Variants in TAFA5 observed in about 807,000 individuals in gnomAD.
The protein encoded by TAFA5 is TAFA chemokine like family member 5.
A neutral mutation model predicts 15.3 loss-of-function variants in TAFA5; 6 were observed. That is an observed-to-expected ratio of 0.39 (90% CI 0.21 to 0.77). The LOEUF is 0.77. TAFA5 is among the 30% of genes least tolerant of loss of function. TAFA5 has a pLI of 0.41. For synonymous variants in TAFA5, 103 were observed against 80.7 expected (o/e 1.28, Z -1.48); for missense variants, 161 against 193.1 (o/e 0.83, Z 0.98).
intron 1 of TAFA5, among the ~76,000 whole-genome samples, chr22:48,630,762 G>C (rs1926194135): frequency 6.6e-6 from 1 of 151,880 alleles, no homozygotes; most frequent in South Asian, 2.1e-4. Context: ...TGAGCCCCAG[G>C]CTCCAGGCGC....
chr22:48,516,834 G>A (rs1407479829), intron 1 of TAFA5, among the ~76,000 whole-genome samples: 1 of 152,216 alleles, frequency 6.6e-6, no homozygotes, highest in Non-Finnish European at 1.5e-5. Flanking sequence ...CCTCACAGTT[G>A]TGCCAGGCAG....
rs910644772 is a variant in TAFA5 at position 48,490,460 on chromosome 22, G to T, written c.112+756G>T. Among the ~76,000 whole-genome samples the T allele has an allele frequency of 5.9e-5, 9 of 151,884 alleles. No individual in the cohort carries two copies. The highest frequency in any genetic ancestry group is 1.4e-4 in the African/African-American group (6 of 41,390). ...CTCCCTGTTGCCTGGAGTGAAGGGT[G>T]GGGGGTGGCCTGTGCCCCTGCCGAG... On this transcript the variant is annotated intron_variant, in intron 1 of 3. Coordinates refer to ENST00000402357, the MANE Select transcript of TAFA5 (RefSeq NM_001082967.3). The surrounding 1 kb of genome is among the most constrained non-coding windows in gnomAD (Gnocchi z 5.8).
At chr22:48,623,559 G>A (rs888428038) in intron 1 of TAFA5, among the ~76,000 whole-genome samples, 2 of 152,204 alleles carry the variant, frequency 1.3e-5, no homozygotes, top group Non-Finnish European at 2.9e-5. Context: ...AGTTGGTGGA[G>A]GAAGGGGGCG....
At chr22:48,721,767 G>A (rs999029838) in intron 3 of TAFA5, among the ~76,000 whole-genome samples, 4 of 152,096 alleles carry the variant, frequency 2.6e-5, no homozygotes, top group East Asian at 1.9e-4. Context: ...TCAGGGGTTC[G>A]AAACCAGCCC....
intron 1 of TAFA5, among the ~76,000 whole-genome samples, chr22:48,495,604 A>C (rs1601832886): frequency 6.6e-6 from 1 of 151,970 alleles, no homozygotes; most frequent in South Asian, 2.1e-4. Context: ...CTGGCCCTGC[A>C]CCCAGCCGGC....
chr22:48,726,158 G>C (rs535740331), intron 3 of TAFA5, among the ~76,000 whole-genome samples: 8 of 152,202 alleles, frequency 5.3e-5, no homozygotes, highest in African/African-American at 1.7e-4. Flanking sequence ...TTGAAACATC[G>C]TTTTACTTAT....
At chr22:48,671,862 G>A (rs930181395) in intron 2 of TAFA5, among the ~76,000 whole-genome samples, 1 of 152,166 alleles carries the variant, frequency 6.6e-6, no homozygotes, top group Non-Finnish European at 1.5e-5. Context: ...GAGAGAAGGT[G>A]CATGTTTCCG....
intron 1 of TAFA5, among the ~76,000 whole-genome samples, chr22:48,540,020 G>A (rs1222830873): frequency 6.6e-6 from 1 of 152,146 alleles, no homozygotes; most frequent in Admixed American, 6.5e-5. Flanking sequence ...GGGGTTGGGA[G>A]TGGAACTGGG....
intron 1 of TAFA5, among the ~76,000 whole-genome samples, chr22:48,542,444 GGTGT>G (rs1922453220): frequency 7.9e-6 from 1 of 126,928 alleles, no homozygotes; most frequent in African/African-American, 3.0e-5. Context: ...GTGTGTGTGT[GGTGT>G]ATGTGCGGGT....
chr22:48,618,331 C>T (rs532126863), intron 1 of TAFA5, among the ~76,000 whole-genome samples: 80 of 152,322 alleles, frequency 5.3e-4, no homozygotes, highest in African/African-American at 1.9e-3. Context: ...TGTGCACTGA[C>T]GCTCGCCTCT....
intron 1 of TAFA5, among the ~76,000 whole-genome samples, chr22:48,519,740 C>T (rs1921538761): frequency 6.6e-6 from 1 of 152,158 alleles, no homozygotes; most frequent in Non-Finnish European, 1.5e-5. Flanking sequence ...CAGCTGAGCC[C>T]TTGGGAGTCT....
intron 2 of TAFA5, among the ~76,000 whole-genome samples, chr22:48,681,243 G>A (rs903914174): frequency 1.1e-4 from 17 of 152,142 alleles, no homozygotes; most frequent in African/African-American, 3.1e-4. Flanking sequence ...GCCTGGAACC[G>A]AGTTTCCCCC....
At chr22:48,668,971 G>A (rs760569197) in intron 2 of TAFA5, among the ~76,000 whole-genome samples, 60 of 152,340 alleles carry the variant, frequency 3.9e-4, no homozygotes, top group Non-Finnish European at 1.0e-4. Context: ...TTCATGTGTT[G>A]AAATCCTCAC....
chr22:48,503,428 C>A (rs1254984811), intron 1 of TAFA5, among the ~76,000 whole-genome samples: 2 of 152,180 alleles, frequency 1.3e-5, no homozygotes, highest in Admixed American at 1.3e-4. Flanking sequence ...GATGTGGACT[C>A]GTGAACTTGG....
At chr22:48,633,518 CTGTCTG>C (rs760293220) in intron 1 of TAFA5, among the ~76,000 whole-genome samples, 12,739 of 94,270 alleles carry the variant, frequency 0.14, 723 homozygotes, top group South Asian at 0.18. Context: ...GTCTGTCTGT[CTGTCTG>C]TCTGTCTGTC....
intron 1 of TAFA5, among the ~76,000 whole-genome samples, chr22:48,583,161 T>C (rs1380635557): frequency 1.3e-3 from 104 of 78,162 alleles, no homozygotes; most frequent in African/African-American, 1.7e-3. Flanking sequence ...ACACAAAATA[T>C]ACCACACACC....
At chr22:48,652,113 C>T (rs1293307054) in intron 2 of TAFA5, among the ~76,000 whole-genome samples, 1 of 152,268 alleles carries the variant, frequency 6.6e-6, no homozygotes, top group Non-Finnish European at 1.5e-5. Context: ...AGCGCGTCAT[C>T]TCCACCTCGA....
rs200345564 is a variant in TAFA5, at chr22:48,584,679, CAT to C, written c.113-61916_113-61915del. 6.4e-3 allele frequency among the ~76,000 whole-genome samples: 947 copies of C among 147,960 alleles called. 8 individuals carry two copies. The highest frequency in any genetic ancestry group is 0.022 in the African/African-American group (870 of 40,058). ...ACACACACAGCACAAATCACACACA[CAT>C]ACACCACAAACACACACCACACAAA... On this transcript the variant is annotated intron_variant, in intron 1 of 3. Coordinates refer to ENST00000402357, the MANE Select transcript of TAFA5 (RefSeq NM_001082967.3).
At chr22:48,641,156 C>T (rs2147198002) in intron 1 of TAFA5, among the ~76,000 whole-genome samples, 1 of 150,964 alleles carries the variant, frequency 6.6e-6, no homozygotes, top group African/African-American at 2.5e-5. Context: ...ACCGTGGGGG[C>T]ACCGTGGCCC....
Sources: allele counts gnomAD v4.1 joint callset (sites outside exome capture counted in the v4.1 genomes callset), GRCh38; gene constraint gnomAD v4.1.1; non-coding constraint Gnocchi (gnomAD v3.1); transcripts MANE v1.5; gene names NCBI Gene and HGNC (gene_info 2026-07-23, HGNC 2026-07-21).